The following PRH1 variants were observed in gnomAD, a reference collection of about 807,000 sequenced individuals.
PRH1 encodes the protein proline rich protein HaeIII subfamily 1, also known as salivary acidic proline-rich phosphoprotein 1/2.
In PRH1, 7 loss-of-function variants were observed where a neutral mutation model predicts 7.9. The observed-to-expected ratio is 0.89, with a 90% CI of 0.50 to 1.67. The LOEUF is 1.67. Among genes scored for constraint, PRH1 ranks in the 40% most tolerant of loss-of-function variants. The pLI, the probability that PRH1 is intolerant of heterozygous loss-of-function variation, is 0.00. For missense variants in PRH1, 109 were observed against 223.6 expected (o/e 0.49, Z 3.27); for synonymous variants, 45 against 80.8 (o/e 0.56, Z 2.38).
At chr12:11,042,908 C>T (rs530859886) in intron 1 of PRH1, among the ~76,000 whole-genome samples, 5 of 152,088 alleles carry the variant, frequency 3.3e-5, no homozygotes, top group Admixed American at 1.3e-4. Flanking sequence ...GGATTACAGG[C>T]GTGAGCCACC....
At chr12:10,964,721 A>AGCT in intron 2 of PRH1, 1 of 668,492 alleles carries the variant, frequency 1.5e-6, no homozygotes, top group East Asian at 3.8e-5. Context: ...TTTGCCATGG[A>AGCT]ACTGCATCTT....
At chr12:10,883,881 T>A (rs1949447788) in intron 1 of PRH1, among the ~76,000 whole-genome samples, 1 of 152,174 alleles carries the variant, frequency 6.6e-6, no homozygotes, top group Admixed American at 6.5e-5. Flanking sequence ...ATTCTCCACA[T>A]CCTTCACAGC....
At chr12:11,060,620 C>A (rs1037934920) in intron 1 of PRH1, among the ~76,000 whole-genome samples, 1 of 151,698 alleles carries the variant, frequency 6.6e-6, no homozygotes, top group African/African-American at 2.4e-5. Context: ...AGATCACAAT[C>A]ATGATTTTTC....
chr12:11,080,131 A>C (rs79438671), intron 1 of PRH1, among the ~76,000 whole-genome samples: 1 of 127,208 alleles, frequency 7.9e-6, no homozygotes, highest in East Asian at 2.1e-4. Context: ...ATAATTTATG[A>C]TCATCTTTTT....
chr12:11,009,883 T>C (rs1940990786), intron 1 of PRH1, among the ~76,000 whole-genome samples: 1 of 151,902 alleles, frequency 6.6e-6, no homozygotes, highest in Admixed American at 6.6e-5. Context: ...TTTGTTTATG[T>C]TGTAGAAATG....
intron 2 of PRH1, among the ~76,000 whole-genome samples, chr12:10,962,418 T>C (rs2135935009): frequency 6.6e-6 from 1 of 152,330 alleles, no homozygotes; most frequent in East Asian, 1.9e-4. Context: ...GTGGGTGCCA[T>C]GTGATTTTGA....
At chr12:10,975,277 GT>G (rs899180539) in intron 1 of PRH1, among the ~76,000 whole-genome samples, 1 of 152,138 alleles carries the variant, frequency 6.6e-6, no homozygotes, top group African/African-American at 2.4e-5. Flanking sequence ...CAGCAGTTTT[GT>G]TTTTTAAAAA....
chr12:10,979,007 A>G (rs998548069), intron 1 of PRH1, among the ~76,000 whole-genome samples: 5 of 152,198 alleles, frequency 3.3e-5, no homozygotes, highest in African/African-American at 1.2e-4. Flanking sequence ...GAAACAGCAA[A>G]GCAAGTACCA....
chr12:11,102,359 A>C (rs1421403927), intron 1 of PRH1, among the ~76,000 whole-genome samples: 2 of 152,230 alleles, frequency 1.3e-5, no homozygotes, highest in Non-Finnish European at 2.9e-5. Flanking sequence ...AGACCAATGG[A>C]ACAGAACAGA....
At chr12:11,018,843 T>G (rs559460136) in intron 1 of PRH1, among the ~76,000 whole-genome samples, 30 of 152,372 alleles carry the variant, frequency 2.0e-4, no homozygotes, top group Admixed American at 2.0e-4. Context: ...AAATCAACTG[T>G]CAAGTCTCAA....
chr12:11,164,925 T>C (rs1304788002), intron 1 of PRH1, among the ~76,000 whole-genome samples: 1 of 152,036 alleles, frequency 6.6e-6, no homozygotes, highest in East Asian at 1.9e-4. Context: ...CTAGACCCCT[T>C]TGCAGTGCAT....
intron 2 of PRH1, chr12:10,891,847 A>G (rs1949578055): frequency 6.6e-6 from 1 of 152,242 alleles, no homozygotes; most frequent in African/African-American, 2.4e-5. Flanking sequence ...CCAGTCTTAA[A>G]AACTTTGATC....
intron 1 of PRH1, among the ~76,000 whole-genome samples, chr12:11,056,059 T>C (rs1253989448): frequency 6.6e-6 from 1 of 152,260 alleles, no homozygotes; most frequent in Non-Finnish European, 1.5e-5. Flanking sequence ...AATATTATTG[T>C]CCTATAATTT....
intron 1 of PRH1, among the ~76,000 whole-genome samples, chr12:11,140,833 C>T (rs1441367343): frequency 6.6e-6 from 1 of 152,006 alleles, no homozygotes; most frequent in South Asian, 2.1e-4. Flanking sequence ...GGTTGTATAG[C>T]CTGGTGAATG....
chr12:11,168,031 T>G (rs1215268310), intron 1 of PRH1, among the ~76,000 whole-genome samples: 3 of 151,810 alleles, frequency 2.0e-5, no homozygotes, highest in Non-Finnish European at 4.4e-5. Flanking sequence ...CTTAATAATC[T>G]GACAATTATT....
intron 1 of PRH1, among the ~76,000 whole-genome samples, chr12:11,004,800 G>T (rs955566460): frequency 2.0e-5 from 3 of 151,924 alleles, no homozygotes; most frequent in Non-Finnish European, 2.9e-5. Context: ...AATATGATTA[G>T]TTCATGGCAT....
At chr12:11,138,048 T>C (rs1946605120) in intron 1 of PRH1, among the ~76,000 whole-genome samples, 1 of 152,166 alleles carries the variant, frequency 6.6e-6, no homozygotes, top group Non-Finnish European at 1.5e-5. Flanking sequence ...GTAAAACCAA[T>C]GTATTTTCAA....
intron 1 of PRH1, among the ~76,000 whole-genome samples, chr12:11,065,796 G>A (rs1943782884): frequency 6.6e-6 from 1 of 152,182 alleles, no homozygotes. Flanking sequence ...TCACAGAAGA[G>A]ATTAAAATTA....
chr12:11,126,098 GGTACA>G (rs1387232283), intron 1 of PRH1, among the ~76,000 whole-genome samples: 2 of 120,002 alleles, frequency 1.7e-5, no homozygotes, highest in Non-Finnish European at 3.6e-5. Context: ...AAAGCCTGAA[GGTACA>G]GTATAGAAAA....
Sources: gnomAD v4.1 joint callset for allele counts (sites outside exome capture counted in the v4.1 genomes callset) on GRCh38, gnomAD v4.1.1 for gene constraint, MANE v1.5 for transcripts, NCBI Gene and HGNC (gene_info 2026-07-23, HGNC 2026-07-21) for gene names.